The following LYRM4 variants were observed in gnomAD, a reference collection of about 807,000 sequenced individuals.
The protein encoded by LYRM4 is LYR motif-containing protein 4.
Under a neutral mutation model 11.7 loss-of-function variants are expected in LYRM4, and 9 were observed. The ratio of observed to expected loss-of-function variants is 0.77; its 90% CI spans 0.46 to 1.34. The LOEUF (loss-of-function observed/expected upper bound fraction) is 1.34, where lower values mean the gene tolerates loss of function less well. Among genes scored for constraint, LYRM4 ranks in the 40% most tolerant of loss-of-function variants. LYRM4 has a pLI of 0.00. For synonymous variants in LYRM4, 42 were observed against 40.4 expected, an observed-to-expected ratio of 1.04 and a Z score of -0.15; for missense variants, 133 against 112.5, an observed-to-expected ratio of 1.18 and a Z score of -0.82.
chr6:5,189,093 T>C (rs894107008), intron 2 of LYRM4, among the ~76,000 whole-genome samples: 1 of 152,242 alleles, frequency 6.6e-6, no homozygotes, highest in Non-Finnish European at 1.5e-5. Context: ...TCAATATTAA[T>C]AGGACCCCTT....
rs556638432 is a variant in LYRM4, at chr6:5,118,402, C to A, written c.208-8911G>T. ...AAAGTGCTAGGATTACAGGCATGAG[C>A]CACCATGCCTGGCCAATACATTTTT... On this transcript the variant is annotated intron_variant, in intron 2 of 2. Transcript: ENST00000330636. Among the ~76,000 whole-genome samples the A allele has an allele frequency of 4.6e-5, 7 of 152,258 alleles. No individual in the cohort carries two copies. The East Asian group carries it at 1.4e-3, about 29-fold the overall frequency.
chr6:5,153,813 G>A lies in LYRM4; in HGVS notation c.208-44322C>T, dbSNP rs149410375. Among the ~76,000 whole-genome samples, 6 of 152,298 alleles carry A rather than the reference G, an allele frequency of 3.9e-5. No homozygotes were observed. The East Asian group carries it at 9.6e-4, about 24-fold the overall frequency. On this transcript the variant is annotated intron_variant, in intron 2 of 2. Coordinates refer to ENST00000330636, the MANE Select transcript of LYRM4 (RefSeq NM_020408.6). ...CTCAAATGAAATGACCATATATGCT[G>A]TGAATACAGACAGATACAATGAAAG...
At chr6:5,141,176 T>C (rs1006308393) in intron 2 of LYRM4, among the ~76,000 whole-genome samples, 5 of 152,224 alleles carry the variant, frequency 3.3e-5, no homozygotes, top group Non-Finnish European at 7.3e-5. Flanking sequence ...ATAGGAATAA[T>C]GCAGATGGGA....
the LYRM4 span, among the ~76,000 whole-genome samples, chr6:5,089,666 T>A: frequency 1.3e-5 from 2 of 152,234 alleles, no homozygotes; most frequent in Non-Finnish European, 2.9e-5. Context: ...TATTTCATAA[T>A]ATAATGAGCA....
At chr6:5,236,139 A>C (rs1763525571) in intron 1 of LYRM4, 1 of 152,170 alleles carries the variant, frequency 6.6e-6, no homozygotes, top group East Asian at 1.9e-4. Context: ...TTAATAGACA[A>C]TGGCTGTAAG....
At chr6:5,076,268 A>T in the LYRM4 span, among the ~76,000 whole-genome samples, 15 of 151,200 alleles carry the variant, frequency 9.9e-5, no homozygotes, top group African/African-American at 2.7e-4. Context: ...CCACATAACT[A>T]TTCTGTACTT....
the LYRM4 span, among the ~76,000 whole-genome samples, chr6:5,069,036 A>G: frequency 1.3e-5 from 2 of 150,270 alleles, no homozygotes; most frequent in Admixed American, 6.7e-5. Flanking sequence ...TGCTACAACA[A>G]GTTAGTACAA....
chr6:5,221,063 G>T (rs1273018942), intron 1 of LYRM4, among the ~76,000 whole-genome samples: 1 of 152,116 alleles, frequency 6.6e-6, no homozygotes, highest in East Asian at 1.9e-4. Flanking sequence ...CTGACTTCCA[G>T]TGATCCTCTT....
At chr6:5,148,518 G>GGGGCGCA (rs1321881105) in intron 2 of LYRM4, among the ~76,000 whole-genome samples, 6 of 54,372 alleles carry the variant, frequency 1.1e-4, no homozygotes, top group Non-Finnish European at 1.5e-4. Flanking sequence ...AGCTGGGCTG[G>GGGGCGCA]GTATACGCCT....
chr6:5,224,437 G>A (rs1430509201), intron 1 of LYRM4, among the ~76,000 whole-genome samples: 1 of 152,138 alleles, frequency 6.6e-6, no homozygotes, highest in East Asian at 1.9e-4. Flanking sequence ...AGCACGGACT[G>A]GTACTTCCTG....
chr6:5,225,370 C>G (rs1762825533), intron 1 of LYRM4, among the ~76,000 whole-genome samples: 1 of 152,002 alleles, frequency 6.6e-6, no homozygotes, highest in African/African-American at 2.4e-5. Flanking sequence ...TCTCTAGATG[C>G]TATCACAGTT....
At chr6:5,182,613 C>G (rs1760143320) in intron 2 of LYRM4, among the ~76,000 whole-genome samples, 1 of 152,194 alleles carries the variant, frequency 6.6e-6, no homozygotes, top group Non-Finnish European at 1.5e-5. Flanking sequence ...CTCTCTTCAT[C>G]CTAAGAGTGG....
the LYRM4 span, among the ~76,000 whole-genome samples, chr6:5,039,559 C>T: frequency 1.3e-5 from 2 of 152,136 alleles, no homozygotes; most frequent in African/African-American, 2.4e-5. Flanking sequence ...ACATTGAAAA[C>T]GGCAATTACC....
the LYRM4 span, among the ~76,000 whole-genome samples, chr6:5,082,262 C>T: frequency 6.6e-6 from 1 of 152,192 alleles, no homozygotes; most frequent in Non-Finnish European, 1.5e-5. Flanking sequence ...GAGACAGACA[C>T]TAGCTCCAGG....
At chr6:5,164,302 C>A (rs1401256533) in intron 2 of LYRM4, among the ~76,000 whole-genome samples, 1 of 152,170 alleles carries the variant, frequency 6.6e-6, no homozygotes, top group Non-Finnish European at 1.5e-5. Flanking sequence ...TAGCCCAAAA[C>A]TGGAAACCCC....
At chr6:5,143,990 T>C (rs1757557257) in intron 2 of LYRM4, 6 of 878,822 alleles carry the variant, frequency 6.8e-6, no homozygotes, top group Non-Finnish European at 1.0e-5. Flanking sequence ...AATTCTAAGC[T>C]TCTGAGGTCT....
the LYRM4 span, among the ~76,000 whole-genome samples, chr6:5,079,952 T>C: frequency 1.3e-5 from 2 of 152,254 alleles, no homozygotes; most frequent in Admixed American, 1.3e-4. Context: ...AAACTATTCA[T>C]TTCTGACTGG....
chr6:5,196,668 T>C (rs557534622), intron 2 of LYRM4, among the ~76,000 whole-genome samples: 16 of 152,306 alleles, frequency 1.1e-4, no homozygotes, highest in Non-Finnish European at 2.2e-4. Context: ...TGCCAAACTT[T>C]ATGGGAATGA....
chr6:5,245,328 AC>A (rs1764148150), intron 1 of LYRM4, among the ~76,000 whole-genome samples: 1 of 151,060 alleles, frequency 6.6e-6, no homozygotes, highest in Admixed American at 6.6e-5. Context: ...CCGGTAGTTC[AC>A]CCAAATCCCT....
Sources: gnomAD v4.1 joint callset for allele counts (sites outside exome capture counted in the v4.1 genomes callset) on GRCh38, gnomAD v4.1.1 for gene constraint, MANE v1.5 for transcripts, NCBI Gene and HGNC (gene_info 2026-07-23, HGNC 2026-07-21) for gene names.